The following METTL8 variants were observed in gnomAD, a reference collection of about 807,000 sequenced individuals.
METTL8 encodes the protein tRNA N(3)-cytidine methyltransferase METTL8, mitochondrial.
In METTL8, 32 loss-of-function variants were observed where a neutral mutation model predicts 48.7. The ratio of observed to expected loss-of-function variants is 0.66; its 90% CI spans 0.50 to 0.88. The LOEUF (loss-of-function observed/expected upper bound fraction) is 0.88, where lower values mean the gene tolerates loss of function less well. METTL8 is among the 40% of genes least tolerant of loss of function. METTL8 has a pLI of 0.00. For synonymous variants in METTL8, 136 were observed against 157.1 expected, an observed-to-expected ratio of 0.87 and a Z score of 1.01; for missense variants, 464 against 474.4, an observed-to-expected ratio of 0.98 and a Z score of 0.20.
intron 1 of METTL8, among the ~76,000 whole-genome samples, chr2:171,429,559 T>C (rs1429527862): frequency 6.6e-6 from 1 of 152,210 alleles, no homozygotes; most frequent in Non-Finnish European, 1.5e-5. Context: ...TTCATTTAAC[T>C]TGTAAATGTT....
At chr2:171,403,799 G>C (rs1427593151) in intron 1 of METTL8, among the ~76,000 whole-genome samples, 2 of 151,664 alleles carry the variant, frequency 1.3e-5, no homozygotes. Flanking sequence ...GCAGACAGGT[G>C]GGGTGGGGAG....
chr2:171,329,904 C>A (rs1685346190), intron 7 of METTL8, among the ~76,000 whole-genome samples: 1 of 152,156 alleles, frequency 6.6e-6, no homozygotes, highest in Non-Finnish European at 1.5e-5. Flanking sequence ...TAGAAGATGG[C>A]AAGATTTAAG....
chr2:171,330,641 C>G lies in METTL8; in HGVS notation c.778G>C (p.Asp260His). 2 of 1,613,494 alleles carry G rather than the reference C, an allele frequency of 1.2e-6. No homozygotes were observed. Among genetic ancestry groups the G allele is most frequent in the Non-Finnish European group, 1.7e-6 (2 of 1,179,602 alleles). The change falls in exon 7 of 10, where the codon GAT becomes CAT. Residue 260 changes from aspartate (D) to histidine (H), a missense_variant. By Grantham distance (81) the Asp-to-His change is moderately conservative. Coordinates refer to ENST00000375258, the MANE Select transcript of METTL8 (RefSeq NM_001321154.2). Reference protein sequence around the residue: ...CFAFVHDVCDDGLPYPFPDGI... With the variant: ...CFAFVHDVCDHGLPYPFPDGI... ...TCTGGAAAAGGGTAAGGTAAGCCAT[C>G]ATCACATACATCATGAACAAAGGCA...
chr2:171,400,639 G>A (rs1438251636), intron 1 of METTL8, among the ~76,000 whole-genome samples: 1 of 152,160 alleles, frequency 6.6e-6, no homozygotes, highest in African/African-American at 2.4e-5. Flanking sequence ...TCAAGGTGCA[G>A]ACAAAAGGCT....
At chr2:171,380,027 C>T (rs1030572020) in intron 2 of METTL8, among the ~76,000 whole-genome samples, 4 of 152,190 alleles carry the variant, frequency 2.6e-5, no homozygotes, top group Admixed American at 6.5e-5. Flanking sequence ...CTGAACCCAG[C>T]AGCACATCAA....
At chr2:171,342,871 C>T (rs1229868363) in intron 3 of METTL8, among the ~76,000 whole-genome samples, 3 of 152,030 alleles carry the variant, frequency 2.0e-5, no homozygotes, top group South Asian at 2.1e-4. Context: ...AGGGGAGTAA[C>T]CTAATAAAAG....
Position 171,320,640 on chromosome 2 carries a change from T to C in METTL8, c.*3532A>G, listed in dbSNP as rs886184550. Reference sequence around the variant, plus strand: ...CTGTATGTAATACTTTCATGACTAGTTTGGCTTTTTAATGTACACTTTAAT... The same window carrying C: ...CTGTATGTAATACTTTCATGACTAGCTTGGCTTTTTAATGTACACTTTAAT... On this transcript the variant is annotated 3_prime_UTR_variant, in exon 10 of 10. Transcript: ENST00000375258. 2.0e-5 allele frequency: 3 copies of C among 152,238 alleles called. No homozygotes were observed. Among genetic ancestry groups the C allele is most frequent in the African/African-American group, 7.2e-5 (3 of 41,452 alleles). The allele number at this position is 152,238 out of a possible 1,614,324, so 9.4% of individuals were successfully genotyped here.
chr2:171,384,820 A>G (rs567509750), intron 2 of METTL8, among the ~76,000 whole-genome samples: 19 of 152,340 alleles, frequency 1.2e-4, no homozygotes, highest in Admixed American at 1.2e-3. Flanking sequence ...TGACAGAGCA[A>G]GATGCTGTCT....
chr2:171,356,609 T>A (rs1333267373), intron 3 of METTL8, among the ~76,000 whole-genome samples: 1 of 152,108 alleles, frequency 6.6e-6, no homozygotes, highest in African/African-American at 2.4e-5. Flanking sequence ...CTATTCTCTA[T>A]TTTCATAAAA....
At chr2:171,340,284 T>A (rs759641381) in intron 3 of METTL8, among the ~76,000 whole-genome samples, 2 of 148,874 alleles carry the variant, frequency 1.3e-5, no homozygotes, top group Non-Finnish European at 3.0e-5. Context: ...AGATGGACAC[T>A]TGAGGTAAGG....
rs1688622750 is a variant in METTL8, at chr2:171,392,026, T to A, written c.143+17A>T. 1.3e-6 allele frequency: 2 copies of A among 1,543,194 alleles called. No individual in the cohort carries two copies. On this transcript the variant is annotated intron_variant, in intron 2 of 9. Coordinates refer to ENST00000375258, the MANE Select transcript of METTL8 (RefSeq NM_001321154.2). ...TTAAGAAACACACATAATATCAGAT[T>A]TAAAAAGAAAACTCACCACATGTTG...
chr2:171,382,886 A>G (rs1687704431), intron 2 of METTL8, among the ~76,000 whole-genome samples: 1 of 152,036 alleles, frequency 6.6e-6, no homozygotes, highest in Admixed American at 6.6e-5. Flanking sequence ...CATCCTGGCC[A>G]ACATGATGAA....
At position 171,322,092 on chromosome 2, in the gene METTL8, A is replaced by G. The variant is rs1684550110; in HGVS notation, c.*2080T>C. ...ATTCTCCTGCCTCAGCCTCCCGAGT[A>G]GCTGGGATTACAGGTGCCCACCACC... On this transcript the variant is annotated 3_prime_UTR_variant, in exon 10 of 10. Coordinates refer to ENST00000375258, the MANE Select transcript of METTL8 (RefSeq NM_001321154.2). 1 of 151,490 alleles carries G rather than the reference A, an allele frequency of 6.6e-6. No individual in the cohort carries two copies. 9.4% of individuals were successfully genotyped at this position (151,490 alleles called of 1,614,324 possible). A position where few individuals can be genotyped will look rare whatever the true frequency, so the allele number is the denominator to read the frequency against.
intron 2 of METTL8, chr2:171,375,311 C>G: frequency 1.3e-6 from 1 of 764,784 alleles, no homozygotes; most frequent in Non-Finnish European, 2.3e-6. Context: ...ATATGTTTAT[C>G]TTTTAAAGAA....
intron 1 of METTL8, among the ~76,000 whole-genome samples, chr2:171,394,004 G>T (rs1310182003): frequency 6.6e-6 from 1 of 152,176 alleles, no homozygotes; most frequent in Non-Finnish European, 1.5e-5. Context: ...AAGTGCAGAT[G>T]CTCCTGTTTC....
chr2:171,410,166 T>TA (rs1266920407), intron 1 of METTL8, among the ~76,000 whole-genome samples: 1 of 152,234 alleles, frequency 6.6e-6, no homozygotes, highest in African/African-American at 2.4e-5. Context: ...GTCTTATTCC[T>TA]ACGCTCATTT....
chr2:171,367,601 G>T (rs1685856959), intron 2 of METTL8, among the ~76,000 whole-genome samples: 1 of 152,068 alleles, frequency 6.6e-6, no homozygotes, highest in African/African-American at 2.4e-5. Flanking sequence ...GAGACCAGAA[G>T]TGGTAAATAT....
At chr2:171,404,545 C>A (rs2105603210) in intron 1 of METTL8, among the ~76,000 whole-genome samples, 1 of 152,204 alleles carries the variant, frequency 6.6e-6, no homozygotes, top group East Asian at 1.9e-4. Flanking sequence ...GGCATGCAGT[C>A]TAAAACTTCT....
intron 3 of METTL8, among the ~76,000 whole-genome samples, chr2:171,358,353 G>GAAAAAAAA (rs750007486): frequency 1.8e-5 from 1 of 57,072 alleles, no homozygotes. Flanking sequence ...TCCGTCTCCA[G>GAAAAAAAA]AAAAAAAAAA....
Sources: gnomAD v4.1 joint callset for allele counts (sites outside exome capture counted in the v4.1 genomes callset) on GRCh38, gnomAD v4.1.1 for gene constraint, MANE v1.5 for transcripts, NCBI Gene and HGNC (gene_info 2026-07-23, HGNC 2026-07-21) for gene names.